Variants in SEMA6D observed in about 807,000 individuals in gnomAD.
SEMA6D encodes semaphorin-6D.
In SEMA6D, 35 loss-of-function variants were observed where a neutral mutation model predicts 106.6. The ratio of observed to expected loss-of-function variants is 0.33; its 90% confidence interval spans 0.25 to 0.44. The LOEUF is 0.44. SEMA6D is among the 20% of genes least tolerant of loss of function. SEMA6D has a pLI of 1.00. For missense variants in SEMA6D, 1,185 were observed against 1,345.9 expected, an observed-to-expected ratio of 0.88 and a Z score of 1.87; for synonymous variants, 499 against 487.7, an observed-to-expected ratio of 1.02 and a Z score of -0.31.
intron 2 of SEMA6D, among the ~76,000 whole-genome samples, chr15:47,454,921 T>C (rs570477745): frequency 9.9e-5 from 15 of 151,902 alleles, no homozygotes; most frequent in Non-Finnish European, 1.9e-4. Context: ...CTGTGTGAAC[T>C]GGGCATGCTA....
At chr15:47,522,481 G>A (rs936315956) in intron 3 of SEMA6D, among the ~76,000 whole-genome samples, 1 of 152,046 alleles carries the variant, frequency 6.6e-6, no homozygotes, top group African/African-American at 2.4e-5. Context: ...TATCTGGAAG[G>A]GCAAACACAG....
chr15:47,500,679 A>T (rs1233954809), intron 3 of SEMA6D, among the ~76,000 whole-genome samples: 2 of 152,182 alleles, frequency 1.3e-5, no homozygotes, highest in African/African-American at 4.8e-5. Flanking sequence ...GGACCCAGGT[A>T]GTTGTAGATC....
chr15:47,647,803 A>G (rs1216136501), intron 4 of SEMA6D, among the ~76,000 whole-genome samples: 1 of 152,068 alleles, frequency 6.6e-6, no homozygotes, highest in African/African-American at 2.4e-5. Context: ...TATTCTACAG[A>G]TTGTAAGATA....
chr15:47,763,840 C>T lies in SEMA6D; in HGVS notation c.748-10C>T, dbSNP rs200498153. The T allele has an allele frequency of 3.0e-5, 49 of 1,610,956 alleles. 1 individual carries two copies. In the East Asian group the frequency reaches 6.0e-4, roughly 20 times the overall value. On this transcript the variant is annotated splice_polypyrimidine_tract_variant and intron_variant, in intron 9 of 18. Coordinates refer to ENST00000536845, the MANE Select transcript of SEMA6D (RefSeq NM_001358351.3). ...ATAACCCCATTGCTTTGCTTCTATCCGTTGGGCAGGCTGTGTATTCCCGCG... is the reference window on the plus strand; with the variant it reads ...ATAACCCCATTGCTTTGCTTCTATCTGTTGGGCAGGCTGTGTATTCCCGCG...
At chr15:47,646,676 G>A (rs775429636) in intron 4 of SEMA6D, among the ~76,000 whole-genome samples, 3 of 152,060 alleles carry the variant, frequency 2.0e-5, no homozygotes, top group Admixed American at 6.5e-5. Flanking sequence ...TCACTTTCTC[G>A]GAATATGATG....
At chr15:47,618,770 C>T (rs2077050003) in intron 4 of SEMA6D, among the ~76,000 whole-genome samples, 1 of 152,304 alleles carries the variant, frequency 6.6e-6, no homozygotes, top group South Asian at 2.1e-4. Flanking sequence ...AGAATAACTT[C>T]ATAGGTAACA....
chr15:47,210,500 C>T (rs958707066), intron 1 of SEMA6D, among the ~76,000 whole-genome samples: 5 of 151,714 alleles, frequency 3.3e-5, no homozygotes, highest in African/African-American at 7.3e-5. Context: ...CCGGGCCGGG[C>T]GCAGTGGCTC....
chr15:47,671,913 A>G (rs2078145042), intron 4 of SEMA6D, among the ~76,000 whole-genome samples: 1 of 152,200 alleles, frequency 6.6e-6, no homozygotes, highest in African/African-American at 2.4e-5. Context: ...GTTTGTAAAA[A>G]TAACAAATAC....
chr15:47,334,136 G>A (rs935183971), intron 1 of SEMA6D, among the ~76,000 whole-genome samples: 2 of 152,186 alleles, frequency 1.3e-5, no homozygotes, highest in Admixed American at 1.3e-4. Context: ...TACTGGATTT[G>A]CAGAGCTTCC....
chr15:47,630,170 G>A (rs2077268855), intron 4 of SEMA6D, among the ~76,000 whole-genome samples: 1 of 151,872 alleles, frequency 6.6e-6, no homozygotes, highest in South Asian at 2.1e-4. Flanking sequence ...CCCACCAACA[G>A]TGGCATATAA....
chr15:47,624,131 A>G (rs923328106), intron 4 of SEMA6D, among the ~76,000 whole-genome samples: 2 of 152,062 alleles, frequency 1.3e-5, no homozygotes, highest in African/African-American at 4.8e-5. Flanking sequence ...AGACCTTTGC[A>G]CCTATTGTCT....
At chr15:47,654,527 A>G (rs1002182063) in intron 4 of SEMA6D, among the ~76,000 whole-genome samples, 1 of 152,158 alleles carries the variant, frequency 6.6e-6, no homozygotes, top group African/African-American at 2.4e-5. Flanking sequence ...TAGTTTGGAT[A>G]TTTGTCCCCA....
At chr15:47,768,547 A>T in intron 17 of SEMA6D, 34 bp from the exon 18 acceptor site, 1 of 1,542,430 alleles carries the variant, frequency 6.5e-7, no homozygotes, top group South Asian at 1.3e-5. Flanking sequence ...TCTTGACACT[A>T]TCCATATTAA....
At chr15:47,380,639 A>G (rs1456611482) in intron 1 of SEMA6D, 1 of 152,234 alleles carries the variant, frequency 6.6e-6, no homozygotes, top group East Asian at 1.9e-4. Context: ...GAACATACAC[A>G]AGCGACTGCT....
intron 4 of SEMA6D, among the ~76,000 whole-genome samples, chr15:47,684,049 G>T (rs2078417864): frequency 6.6e-6 from 1 of 152,122 alleles, no homozygotes; most frequent in African/African-American, 2.4e-5. Context: ...CAGACTCAAA[G>T]GTCTTCACGT....
intron 1 of SEMA6D, among the ~76,000 whole-genome samples, chr15:47,727,885 T>G (rs1345954056): frequency 2.6e-5 from 4 of 152,222 alleles, no homozygotes; most frequent in African/African-American, 9.6e-5. Flanking sequence ...GATGGAATTT[T>G]TTCCCTTGTG....
intron 1 of SEMA6D, among the ~76,000 whole-genome samples, chr15:47,264,657 G>C (rs2034232330): frequency 6.6e-6 from 1 of 151,996 alleles, no homozygotes; most frequent in Non-Finnish European, 1.5e-5. Flanking sequence ...GAAATAGCAA[G>C]AGTGGATACC....
At chr15:47,640,810 G>A (rs62000795) in intron 4 of SEMA6D, among the ~76,000 whole-genome samples, 41,829 of 151,558 alleles carry the variant, frequency 0.28, 7,000 homozygotes, top group Middle Eastern at 0.44. Context: ...TGATATTAAC[G>A]TTAAATATGA....
intron 1 of SEMA6D, among the ~76,000 whole-genome samples, chr15:47,283,559 C>T (rs893791470): frequency 1.3e-5 from 2 of 152,196 alleles, no homozygotes; most frequent in Non-Finnish European, 2.9e-5. Context: ...ACATTCTACC[C>T]GAAGTGGCCT....
Sources: gnomAD v4.1 joint callset for allele counts (sites outside exome capture counted in the v4.1 genomes callset) on GRCh38, gnomAD v4.1.1 for gene constraint, MANE v1.5 for transcripts, NCBI Gene and HGNC (gene_info 2026-07-23, HGNC 2026-07-21) for gene names.